Variants in UNC93A observed in about 807,000 individuals in gnomAD.
The protein encoded by UNC93A is unc-93 homolog A.
Under a neutral mutation model 47.5 loss-of-function variants are expected in UNC93A, and 43 were observed. The ratio of observed to expected loss-of-function variants is 0.91; its 90% CI spans 0.71 to 1.17. The LOEUF is 1.17. UNC93A is among the 50% of genes most tolerant of loss of function. UNC93A has a pLI of 0.00. For missense variants in UNC93A, 605 were observed against 577.6 expected (o/e 1.05, Z -0.49); for synonymous variants, 280 against 258.0 (o/e 1.09, Z -0.82).
In UNC93A at chr6:167,296,068, C is replaced by T. The variant is rs200105401; in HGVS notation, c.306C>T (p.Leu102=). 113 of 1,614,076 alleles carry T rather than the reference C, an allele frequency of 7.0e-5. 1 individual carries two copies. The highest frequency in any genetic ancestry group is 6.7e-5 in the Admixed American group (4 of 60,016). ...TCCCCACCTCCATACTGCTGGGACT[C>T]GGGGCCGCCCCGCTGTGGTCTGCAC... ...TLIPTSILLG[L]GAAPLWSAQC... The change falls in exon 3 of 8, where the codon CTC becomes CTT. Residue 102 remains leucine (L), a synonymous_variant. Coordinates refer to ENST00000230256, the MANE Select transcript of UNC93A (RefSeq NM_018974.4).
chr6:167,269,772 T>C (rs1736601), upstream of UNC93A, among the ~76,000 whole-genome samples: 38,454 of 151,356 alleles, frequency 0.25, 5,455 homozygotes, highest in African/African-American at 0.38. Context: ...ACGCCTGGCT[T>C]TTTTTTGTGT....
chr6:167,294,521 G>C lies in UNC93A; in HGVS notation c.92G>C (p.Ser31Thr), dbSNP rs139202559. 3 of 1,613,892 alleles carry C rather than the reference G, an allele frequency of 1.9e-6. No homozygotes were observed. The South Asian group carries it at 3.3e-5, about 18-fold the overall frequency. ...AYGGLQSLQS[S>T]LYSEEGLGVT... ...GGGCTGGCTTTGTTCCCACAGAGCA[G>C]CCTGTACAGCGAGGAGGGCCTGGGT... is the stretch of plus-strand genomic sequence containing the variant. Residue 31 changes from serine to threonine, a missense_variant, in exon 2 of 8, where the codon AGC becomes ACC. Ser to Thr is a moderately conservative substitution (Grantham distance 58, BLOSUM62 1). Transcript: ENST00000230256.
Position 167,304,266 on chromosome 6 carries a change from A to G in UNC93A, c.840+133A>G. 5.5e-6 allele frequency: 5 copies of G among 905,124 alleles called. No homozygotes were observed. In the Admixed American group the frequency reaches 6.2e-5, roughly 11 times the overall value. 56.1% of individuals were successfully genotyped at this position (905,124 alleles called of 1,614,324 possible). A position where few individuals can be genotyped will look rare whatever the true frequency, so the allele number is the denominator to read the frequency against. ...CTGGGGCTGGAGGGAGCGGGGTCCT[A>G]TGCTCCCAGTGCTACCATAGCTGAG... is the stretch of plus-strand genomic sequence containing the variant. On this transcript the variant is annotated intron_variant, in intron 5 of 7. Transcript: ENST00000230256.
intron 7 of UNC93A, among the ~76,000 whole-genome samples, chr6:167,313,422 CAG>C (rs1778609416): frequency 6.6e-6 from 1 of 151,914 alleles, no homozygotes; most frequent in African/African-American, 2.4e-5. Context: ...TGGAAAAACT[CAG>C]AGGGCCGAGG....
chr6:167,315,636 A>G lies in UNC93A; in HGVS notation c.*184A>G, dbSNP rs1244635336. On this transcript the variant is annotated 3_prime_UTR_variant, in exon 8 of 8. Coordinates refer to ENST00000230256, the MANE Select transcript of UNC93A (RefSeq NM_018974.4). Reference sequence around the variant, plus strand: ...TATTCTAACAAATTTTTCGTCCACCATCTTAACAGAGATCAAGTGTATACA... The same window carrying G: ...TATTCTAACAAATTTTTCGTCCACCGTCTTAACAGAGATCAAGTGTATACA... 2 of 709,002 alleles carry G rather than the reference A, an allele frequency of 2.8e-6. No individual in the cohort carries two copies. Among genetic ancestry groups the G allele is most frequent in the East Asian group, 5.8e-5 (2 of 34,328 alleles). 43.9% of individuals were successfully genotyped at this position (709,002 alleles called of 1,614,324 possible).
rs1297014486 is a variant in UNC93A, at chr6:167,304,016, C to G, written c.723C>G (p.Phe241Leu). The change falls in exon 5 of 8, where the codon TTC becomes TTG. Residue 241 changes from phenylalanine to leucine, a missense_variant. Transcript: ENST00000230256. The stretch of plus-strand genomic sequence containing the variant: ...AAGGAGAGAAGAAATCAGTACCTTT[C>G]TGGTCCACTTTACTGTCGACTTTCA... ...ESEGEKKSVP[F>L]WSTLLSTFKL... 6.2e-7 allele frequency: 1 copy of G among 1,613,906 alleles called. No homozygotes were observed. Among genetic ancestry groups the G allele is most frequent in the South Asian group, 1.1e-5 (1 of 91,056 alleles).
intron 1 of UNC93A, among the ~76,000 whole-genome samples, chr6:167,293,291 C>G (rs1783884188): frequency 6.6e-6 from 1 of 152,148 alleles, no homozygotes; most frequent in African/African-American, 2.4e-5. Flanking sequence ...GATGTCAGCC[C>G]TTCCTTCTCA....
chr6:167,274,092 T>C (rs1302219319), intron 1 of UNC93A, among the ~76,000 whole-genome samples: 1 of 152,122 alleles, frequency 6.6e-6, no homozygotes, highest in Non-Finnish European at 1.5e-5. Flanking sequence ...AAGAAACATA[T>C]TTAGGGTTAA....
chr6:167,314,515 G>T (rs1778638913), intron 7 of UNC93A, among the ~76,000 whole-genome samples: 1 of 152,184 alleles, frequency 6.6e-6, no homozygotes, highest in Admixed American at 6.5e-5. Flanking sequence ...CCTGGGTGGA[G>T]CCCCAAAAGG....
rs78889350 is a variant in UNC93A at position 167,308,583 on chromosome 6, G to A, written c.1108+673G>A. Among the ~76,000 whole-genome samples the A allele has an allele frequency of 2.3e-4, 35 of 152,164 alleles. No homozygotes were observed. The East Asian group carries it at 6.0e-3, about 26-fold the overall frequency. On this transcript the variant is annotated intron_variant, in intron 7 of 7. Coordinates refer to ENST00000230256, the MANE Select transcript of UNC93A (RefSeq NM_018974.4). ...GTGGGGTGCAGGAGGAACCAGGGCA[G>A]GAGGTGGCAGGGATGCTCCAAGGCC...
intron 1 of UNC93A, among the ~76,000 whole-genome samples, chr6:167,272,099 G>A (rs1255471595): frequency 6.6e-6 from 1 of 152,184 alleles, no homozygotes; most frequent in Non-Finnish European, 1.5e-5. Context: ...AGGAGAGAGA[G>A]CTTCACTTAT....
At chr6:167,271,774 C>A (rs1339769387) in intron 1 of UNC93A, among the ~76,000 whole-genome samples, 4 of 152,126 alleles carry the variant, frequency 2.6e-5, no homozygotes, top group Non-Finnish European at 5.9e-5. Context: ...ATGAGTCACT[C>A]CAAGGGTTTA....
At chr6:167,304,481 G>A (rs1039776328) in intron 5 of UNC93A, among the ~76,000 whole-genome samples, 1 of 152,086 alleles carries the variant, frequency 6.6e-6, no homozygotes, top group African/African-American at 2.4e-5. Flanking sequence ...ACCTCACCCT[G>A]CACTCTTACT....
At chr6:167,295,948 A>T in intron 2 of UNC93A, 84 bp from the exon 3 acceptor site, 2 of 1,323,950 alleles carry the variant, frequency 1.5e-6, no homozygotes, top group Non-Finnish European at 2.1e-6. Flanking sequence ...TCCTTCTCCC[A>T]GATTGACTAA....
chr6:167,288,786 T>C (rs968338546), upstream of UNC93A, among the ~76,000 whole-genome samples: 5 of 152,216 alleles, frequency 3.3e-5, no homozygotes, highest in African/African-American at 7.2e-5. Context: ...TTCTACAGCA[T>C]GAAGAACGCA....
At chr6:167,296,811 G>A (rs1778100638) in intron 3 of UNC93A, among the ~76,000 whole-genome samples, 1 of 152,164 alleles carries the variant, frequency 6.6e-6, no homozygotes, top group African/African-American at 2.4e-5. Flanking sequence ...CCCACGTTGA[G>A]GCTTTAAGCA....
At chr6:167,285,358 C>A (rs1302652937) in intron 1 of UNC93A, among the ~76,000 whole-genome samples, 1 of 151,854 alleles carries the variant, frequency 6.6e-6, no homozygotes, top group South Asian at 2.1e-4. Flanking sequence ...CAGGGTTCAT[C>A]CCAGGGCCCA....
Position 167,291,364 on chromosome 6 carries a change from C to G in UNC93A, c.-126C>G, listed in dbSNP as rs1783836011. 2 of 742,720 alleles carry G rather than the reference C, an allele frequency of 2.7e-6. No homozygotes were observed. Among genetic ancestry groups the G allele is most frequent in the South Asian group, 2.1e-5 (1 of 48,494 alleles). The allele number at this position is 742,720 out of a possible 1,614,324, so 46.0% of individuals were successfully genotyped here. ...CTAACACACCTCTAACATTTCACCT[C>G]TAGCTCAGATGAGAGAGAGAATGGG... is the stretch of plus-strand genomic sequence containing the variant. On this transcript the variant is annotated 5_prime_UTR_variant, in exon 1 of 8. Transcript: ENST00000230256.
intron 5 of UNC93A, 72 bp downstream of exon 5, chr6:167,304,205 C>A: frequency 6.5e-7 from 1 of 1,547,060 alleles, no homozygotes; most frequent in Admixed American, 1.7e-5. Flanking sequence ...TCTGTACCTG[C>A]AGGACCGCAG....
Sources: allele counts gnomAD v4.1 joint callset (sites outside exome capture counted in the v4.1 genomes callset), GRCh38; gene constraint gnomAD v4.1.1; transcripts MANE v1.5; gene names NCBI Gene and HGNC (gene_info 2026-07-23, HGNC 2026-07-21).